TXNDC12: variants seen among roughly 807,000 people sequenced by gnomAD.
The protein encoded by TXNDC12 is thioredoxin domain-containing protein 12.
A neutral mutation model predicts 24.2 loss-of-function variants in TXNDC12; 22 were observed. The ratio of observed to expected loss-of-function variants is 0.91; its 90% confidence interval spans 0.65 to 1.30. TXNDC12 has a LOEUF of 1.30. TXNDC12 is among the 50% of genes most tolerant of loss of function. TXNDC12 has a pLI of 0.00. For synonymous variants in TXNDC12, 58 were observed against 73.4 expected, an observed-to-expected ratio of 0.79 and a Z score of 1.07; for missense variants, 184 against 205.8, an observed-to-expected ratio of 0.89 and a Z score of 0.65.
intron 1 of TXNDC12, among the ~76,000 whole-genome samples, chr1:52,042,584 C>T (rs1319803571): frequency 6.6e-6 from 1 of 152,064 alleles, no homozygotes; most frequent in Non-Finnish European, 1.5e-5. Context: ...CCTCAGCCTC[C>T]TGAGTAGCTG....
chr1:52,055,349 T>C (rs1221576418), upstream of TXNDC12: 6 of 453,526 alleles, frequency 1.3e-5, no homozygotes, highest in Admixed American at 3.5e-5. Flanking sequence ...GAGTTGCTTT[T>C]CGTGGATTCT....
intron 2 of TXNDC12, chr1:52,033,039 C>T (rs1685800438): frequency 3.8e-6 from 6 of 1,577,578 alleles, no homozygotes; most frequent in Admixed American, 1.9e-5. Context: ...GGATCCCCGC[C>T]AGGGGCAACG....
At chr1:52,032,586 C>T in intron 2 of TXNDC12, 1 of 1,468,752 alleles carries the variant, frequency 6.8e-7, no homozygotes, top group South Asian at 1.4e-5. Flanking sequence ...GTCACAACAG[C>T]TCTAGTACAG....
intron 4 of TXNDC12, among the ~76,000 whole-genome samples, chr1:52,025,983 C>T (rs1213855380): frequency 6.6e-6 from 1 of 152,000 alleles, no homozygotes; most frequent in Non-Finnish European, 1.5e-5. Flanking sequence ...CACGCACCAC[C>T]ACACCCAGCT....
At position 52,032,918 on chromosome 1, in the gene TXNDC12, G is replaced by C. The variant is rs145860172; in HGVS notation, c.159-4288C>G. ...TTCTGCGCTTCCATCAATCCGGCCA[G>C]TACTTGACTCGTGACCTGGTCCAAC... On this transcript the variant is annotated intron_variant, in intron 2 of 6. Transcript: ENST00000371626. 74 of 1,610,248 alleles carry C rather than the reference G, an allele frequency of 4.6e-5. No individual in the cohort carries two copies. The African/African-American group carries it at 7.8e-4, about 17-fold the overall frequency.
chr1:52,032,850 T>A, intron 2 of TXNDC12: 1 of 1,614,256 alleles, frequency 6.2e-7, no homozygotes, highest in Non-Finnish European at 8.5e-7. Context: ...GCAAGTGCTC[T>A]GTGGTACCAG....
rs150631142 is a variant in TXNDC12, at chr1:52,033,144, G to A, written c.159-4514C>T. On this transcript the variant is annotated intron_variant, in intron 2 of 6. Coordinates refer to ENST00000371626, the MANE Select transcript of TXNDC12 (RefSeq NM_015913.4). ...GCAGCGTTAGGGCCTCCAGGAGTTC[G>A]GGAGAGTAAAAGGCACCGGACCCAT... 6.2e-6 allele frequency: 10 copies of A among 1,614,192 alleles called. No individual in the cohort carries two copies. The South Asian group carries it at 9.9e-5, about 16-fold the overall frequency.
At chr1:52,044,189 C>T (rs1686045315) in intron 1 of TXNDC12, 1 of 152,208 alleles carries the variant, frequency 6.6e-6, no homozygotes, top group Non-Finnish European at 1.5e-5. Context: ...AATGGACTTT[C>T]AGAATGTGCT....
At chr1:52,027,713 TAC>T (rs1187866146) in intron 3 of TXNDC12, among the ~76,000 whole-genome samples, 4 of 150,900 alleles carry the variant, frequency 2.7e-5, no homozygotes, top group African/African-American at 7.3e-5. Context: ...TGTGTGTGTA[TAC>T]ATATATGTAT....
At chr1:52,035,727 T>G (rs1275651110) in intron 2 of TXNDC12, among the ~76,000 whole-genome samples, 3 of 152,020 alleles carry the variant, frequency 2.0e-5, no homozygotes, top group East Asian at 3.8e-4. Context: ...AAAAAAAAAG[T>G]AAACACAGAC....
chr1:52,024,441 G>T, intron 5 of TXNDC12, 69 bp downstream of exon 5: 1 of 1,236,600 alleles, frequency 8.1e-7, no homozygotes, highest in South Asian at 1.3e-5. Flanking sequence ...ACTAGGTGAA[G>T]TCAGTGCCTT....
intron 1 of TXNDC12, 82 bp downstream of exon 1, chr1:52,054,918 G>C: frequency 9.3e-7 from 1 of 1,072,706 alleles, no homozygotes; most frequent in Non-Finnish European, 1.4e-6. Context: ...AATGGGAGGG[G>C]AACGGTGCTA....
rs1685573308 is a variant in TXNDC12 at position 52,020,289 on chromosome 1, C to T, written c.*644G>A. 1.1e-5 allele frequency: 4 copies of T among 374,894 alleles called. No homozygotes were observed. The highest frequency in any genetic ancestry group is 1.6e-5 in the Non-Finnish European group (3 of 190,524). The allele number at this position is 374,894 out of a possible 1,614,324, so 23.2% of individuals were successfully genotyped here. On this transcript the variant is annotated 3_prime_UTR_variant, in exon 7 of 7. Transcript: ENST00000371626. The stretch of plus-strand genomic sequence containing the variant: ...ACAGTAACAAGGGAAAGCATGCTTC[C>T]ACCTGGAGCCGAGTCCAAGCACACA...
intron 4 of TXNDC12, 132 bp downstream of exon 4, chr1:52,027,142 AG>A: frequency 3.4e-6 from 2 of 595,724 alleles, no homozygotes; most frequent in Non-Finnish European, 6.0e-6. Context: ...CCTTAGTATT[AG>A]CGGTCAAGAG....
At chr1:52,028,461 T>C (rs1685705881) in intron 3 of TXNDC12, 117 bp downstream of exon 3, 2 of 763,940 alleles carry the variant, frequency 2.6e-6, no homozygotes, top group Middle Eastern at 3.4e-4. Flanking sequence ...CATATGTTTC[T>C]TTAGTATTCC....
Position 52,033,762 on chromosome 1 carries a change from C to T in TXNDC12, c.159-5132G>A, listed in dbSNP as rs561902251. 179 of 1,591,730 alleles carry T rather than the reference C, an allele frequency of 1.1e-4. 2 individuals are homozygous for T. The South Asian group carries it at 1.5e-3, about 13-fold the overall frequency. ...GCCCGCAAAACACCACGAGCGGCAT[C>T]CTCTCAGGGAGCGACCATTGGCAAC... On this transcript the variant is annotated intron_variant, in intron 2 of 6. Coordinates refer to ENST00000371626, the MANE Select transcript of TXNDC12 (RefSeq NM_015913.4).
In TXNDC12 at chr1:52,033,447, G is replaced by C; in HGVS notation, c.159-4817C>G. 3.1e-6 allele frequency: 5 copies of C among 1,613,078 alleles called. No homozygotes were observed. In the East Asian group the frequency reaches 1.1e-4, roughly 36 times the overall value. ...TCGGGCCGCCGGGCCGTACGCAGTA[G>C]ACCAGGCAGAGCGGGGTGCGCGCCG... On this transcript the variant is annotated intron_variant, in intron 2 of 6. Coordinates refer to ENST00000371626, the MANE Select transcript of TXNDC12 (RefSeq NM_015913.4).
intron 3 of TXNDC12, among the ~76,000 whole-genome samples, chr1:52,027,756 C>T (rs965012265): frequency 6.7e-6 from 1 of 148,894 alleles, no homozygotes; most frequent in Non-Finnish European, 1.5e-5. Context: ...TACATATATA[C>T]ATATATACGT....
intron 1 of TXNDC12, among the ~76,000 whole-genome samples, chr1:52,046,985 G>A (rs1686108230): frequency 6.6e-6 from 1 of 151,626 alleles, no homozygotes; most frequent in Admixed American, 6.6e-5. Context: ...GAAGGTTGCA[G>A]TAAGCCAAGA....
Sources: allele counts gnomAD v4.1 joint callset (sites outside exome capture counted in the v4.1 genomes callset), GRCh38; gene constraint gnomAD v4.1.1; transcripts MANE v1.5; gene names NCBI Gene and HGNC (gene_info 2026-07-23, HGNC 2026-07-21).